SMARCAD1: variants seen among roughly 807,000 people sequenced by gnomAD.
SMARCAD1 encodes SWI/SNF-related matrix-associated actin-dependent regulator of chromatin subfamily A containing DEAD/H box 1.
A neutral mutation model predicts 127.1 loss-of-function variants in SMARCAD1; 25 were observed. The observed-to-expected ratio is 0.20, with a 90% CI of 0.14 to 0.27. The LOEUF is 0.27. SMARCAD1 is among the 10% of genes least tolerant of loss of function. SMARCAD1 has a pLI of 1.00. For missense variants in SMARCAD1, 807 were observed against 1,206.0 expected, an observed-to-expected ratio of 0.67 and a Z score of 4.90; for synonymous variants, 400 against 396.9, an observed-to-expected ratio of 1.01 and a Z score of -0.09.
At chr4:94,244,990 G>A (rs545990956) in intron 6 of SMARCAD1, among the ~76,000 whole-genome samples, 125 of 152,302 alleles carry the variant, frequency 8.2e-4, no homozygotes, top group African/African-American at 2.9e-3. Context: ...GTTACAGAAT[G>A]TTGGAAGAGG....
intron 14 of SMARCAD1, among the ~76,000 whole-genome samples, chr4:94,275,836 C>T (rs1243968033): frequency 8.3e-6 from 1 of 120,274 alleles, no homozygotes; most frequent in Non-Finnish European, 1.7e-5. Flanking sequence ...TCACTCTGTC[C>T]CCCAGGCTAG....
chr4:94,275,435 G>A (rs1753116582), intron 14 of SMARCAD1, among the ~76,000 whole-genome samples: 1 of 152,044 alleles, frequency 6.6e-6, no homozygotes, highest in Non-Finnish European at 1.5e-5. Context: ...AGAACTTAAT[G>A]CTCTTGTGTT....
At chr4:94,238,903 C>T (rs1000182794) in intron 5 of SMARCAD1, among the ~76,000 whole-genome samples, 1 of 145,334 alleles carries the variant, frequency 6.9e-6, no homozygotes, top group African/African-American at 2.6e-5. Flanking sequence ...CAGGCTGTGG[C>T]TTAGGTACTG....
intron 4 of SMARCAD1, among the ~76,000 whole-genome samples, chr4:94,236,512 T>TA (rs1220098365): frequency 3.3e-5 from 5 of 150,948 alleles, no homozygotes; most frequent in South Asian, 2.1e-4. Context: ...CCCTAGAAAT[T>TA]AAAAAAAAAG....
At chr4:94,281,009 T>TA (rs1382152866) in intron 20 of SMARCAD1, among the ~76,000 whole-genome samples, 3 of 152,170 alleles carry the variant, frequency 2.0e-5, no homozygotes, top group African/African-American at 7.2e-5. Flanking sequence ...ATTGATGTTT[T>TA]AAAAAAATCT....
chr4:94,224,494 CAA>C (rs1396777678), intron 2 of SMARCAD1, among the ~76,000 whole-genome samples: 6 of 152,140 alleles, frequency 3.9e-5, no homozygotes, highest in Admixed American at 2.0e-4. Context: ...GTGCGTAAAA[CAA>C]AGTTTTTACA....
chr4:94,272,545 T>C (rs1190233000), intron 11 of SMARCAD1, among the ~76,000 whole-genome samples: 1 of 152,238 alleles, frequency 6.6e-6, no homozygotes, highest in Non-Finnish European at 1.5e-5. Flanking sequence ...ACTATTCTTA[T>C]ACCTATCCTC....
Position 94,213,162 on chromosome 4 carries a change from T to C in SMARCAD1, c.190+4578T>C, listed in dbSNP as rs182333094. ...GCACCAGGAGAAAATGGTATGTAAA[T>C]ATATAGTTAAAATAGTATGGTGTGA... On this transcript the variant is annotated intron_variant, in intron 2 of 23. Transcript: ENST00000354268. 3.9e-5 allele frequency: 48 copies of C among 1,222,656 alleles called. No individual in the cohort carries two copies. The East Asian group carries it at 2.3e-3, about 57-fold the overall frequency. The allele number at this position is 1,222,656 out of a possible 1,614,324, so 75.7% of individuals were successfully genotyped here. A position where few individuals can be genotyped will look rare whatever the true frequency, so the allele number is the denominator to read the frequency against.
intron 23 of SMARCAD1, 105 bp downstream of exon 23, chr4:94,285,174 G>GT (rs1754755061): frequency 4.0e-6 from 3 of 744,978 alleles, no homozygotes; most frequent in Non-Finnish European, 7.2e-6. Context: ...CTAGCTTACA[G>GT]TTTAGGGATG....
intron 5 of SMARCAD1, among the ~76,000 whole-genome samples, chr4:94,237,740 C>T (rs3113866): frequency 6.6e-6 from 1 of 152,022 alleles, no homozygotes; most frequent in Non-Finnish European, 1.5e-5. Flanking sequence ...GCTTCACATT[C>T]CTCTGTGACT....
intron 23 of SMARCAD1, among the ~76,000 whole-genome samples, chr4:94,289,141 C>A (rs573040788): frequency 6.6e-6 from 1 of 152,176 alleles, no homozygotes; most frequent in East Asian, 1.9e-4. Context: ...TACTCCATTT[C>A]TTACATAAAT....
Position 94,281,596 on chromosome 4 carries a change from T to TATA in SMARCAD1, c.2726+9_2726+11dup, listed in dbSNP as rs1222613175. The TATA allele has an allele frequency of 3.3e-6, 5 of 1,531,692 alleles. No individual in the cohort carries two copies. Among genetic ancestry groups the TATA allele is most frequent in the Non-Finnish European group, 4.5e-6 (5 of 1,105,662 alleles). 94.9% of individuals were successfully genotyped at this position (1,531,692 alleles called of 1,614,324 possible). A position where few individuals can be genotyped will look rare whatever the true frequency, so the allele number is the denominator to read the frequency against. ...AAGACTCAGATTTCTGAAAGGTTGGTATAATTCATGTTAGTTACAAAAAAA... is the reference window on the plus strand; with the variant it reads ...AAGACTCAGATTTCTGAAAGGTTGGTATAATAATTCATGTTAGTTACAAAAAAA... On this transcript the variant is annotated splice_region_variant and intron_variant, in intron 21 of 23. Coordinates refer to ENST00000354268, the MANE Select transcript of SMARCAD1 (RefSeq NM_020159.5).
chr4:94,253,331 C>T, intron 9 of SMARCAD1: 1 of 1,330,686 alleles, frequency 7.5e-7, no homozygotes, highest in Non-Finnish European at 9.8e-7. Context: ...GAGTTGTTTG[C>T]TAGCCTGTTC....
intron 23 of SMARCAD1, among the ~76,000 whole-genome samples, chr4:94,287,758 A>G (rs1480686758): frequency 6.6e-6 from 1 of 152,078 alleles, no homozygotes; most frequent in Admixed American, 6.5e-5. Flanking sequence ...TAATTGTATT[A>G]ATACATTTTT....
intron 4 of SMARCAD1, 43 bp from the exon 5 acceptor site, chr4:94,236,909 T>TA (rs775986476): frequency 1.5e-5 from 22 of 1,458,298 alleles, no homozygotes; most frequent in Middle Eastern, 1.8e-4. Context: ...AAATAATTCT[T>TA]AAAGTGCTGA....
chr4:94,213,204 G>A (rs1742564369), intron 2 of SMARCAD1: 2 of 745,372 alleles, frequency 2.7e-6, no homozygotes, highest in South Asian at 1.8e-5. Flanking sequence ...CATATAATAG[G>A]GCAAAATACT....
intron 9 of SMARCAD1, among the ~76,000 whole-genome samples, chr4:94,261,397 C>T (rs572364617): frequency 1.3e-5 from 2 of 152,184 alleles, no homozygotes; most frequent in Admixed American, 6.5e-5. Context: ...AGATTTCTAC[C>T]GAATTGTGAA....
intron 10 of SMARCAD1, among the ~76,000 whole-genome samples, chr4:94,265,409 C>T (rs1041680850): frequency 6.6e-6 from 1 of 151,640 alleles, no homozygotes; most frequent in Non-Finnish European, 1.5e-5. Context: ...AGAAATACAT[C>T]AGCAAGGGAA....
chr4:94,212,220 G>A (rs1238871988), intron 2 of SMARCAD1, among the ~76,000 whole-genome samples: 1 of 152,104 alleles, frequency 6.6e-6, no homozygotes, highest in African/African-American at 2.4e-5. Context: ...TGTGGCCCAG[G>A]CTAGAGTGCA....
Sources: gnomAD v4.1 joint callset for allele counts (sites outside exome capture counted in the v4.1 genomes callset) on GRCh38, gnomAD v4.1.1 for gene constraint, MANE v1.5 for transcripts, NCBI Gene and HGNC (gene_info 2026-07-23, HGNC 2026-07-21) for gene names.